Variants in MAGED1 observed in about 807,000 individuals in gnomAD.
MAGED1 encodes melanoma-associated antigen D1.
A neutral mutation model predicts 54.1 loss-of-function variants in MAGED1; 3 were observed. The observed-to-expected ratio is 0.06, with a 90% CI of 0.03 to 0.14. The LOEUF (loss-of-function observed/expected upper bound fraction) is 0.14, where lower values mean the gene tolerates loss of function less well. MAGED1 is among the 10% of genes least tolerant of loss of function. The pLI is 1.00. For synonymous variants in MAGED1, 217 were observed against 227.3 expected (o/e 0.95, Z 0.41); for missense variants, 485 against 623.4 (o/e 0.78, Z 2.36).
intron 1 of MAGED1, among the ~76,000 whole-genome samples, chrX:51,858,697 G>T (rs1401792337): frequency 1.8e-5 from 2 of 111,201 alleles, no homozygotes; most frequent in Non-Finnish European, 3.8e-5. Context: ...GGAGAGGACA[G>T]ATGTGGTGAG....
In MAGED1 at chrX:51,834,397, A is replaced by G. The variant is rs1362684575; in HGVS notation, c.-37+31280A>G. Among the ~76,000 whole-genome samples, 6 of 111,591 alleles carry G rather than the reference A, an allele frequency of 5.4e-5. No homozygotes were observed. The Admixed American group carries it at 5.7e-4, about 11-fold the overall frequency. On this transcript the variant is annotated intron_variant, in intron 1 of 12. Transcript: ENST00000375772. ...CCATTTTTGGATGTGTCTGAGAGCC[A>G]CCCCTGCTCTCTGCAGAAAGCCTCA...
intron 1 of MAGED1, among the ~76,000 whole-genome samples, chrX:51,834,671 T>C (rs1205815978): frequency 2.7e-5 from 3 of 111,829 alleles, no homozygotes; most frequent in African/African-American, 9.7e-5. Context: ...ATATTCTGGA[T>C]ATGGATTCCT....
At chrX:51,877,275 AC>A (rs1927903453) in intron 1 of MAGED1, among the ~76,000 whole-genome samples, 1 of 111,341 alleles carries the variant, frequency 9.0e-6, no homozygotes, top group African/African-American at 3.3e-5. Flanking sequence ...TGATTAAGAA[AC>A]GCTGAGAGTA....
At chrX:51,874,440 C>G (rs1467710549) in intron 1 of MAGED1, among the ~76,000 whole-genome samples, 1 of 111,080 alleles carries the variant, frequency 9.0e-6, no homozygotes, top group Non-Finnish European at 1.9e-5. Flanking sequence ...AAAAGTGTTT[C>G]CAGAAGAGGA....
chrX:51,837,976 T>C (rs1376083265), intron 1 of MAGED1, among the ~76,000 whole-genome samples: 1 of 112,707 alleles, frequency 8.9e-6, no homozygotes, highest in East Asian at 2.8e-4. Context: ...GTAACCACTA[T>C]CAACAAAAGT....
intron 1 of MAGED1, among the ~76,000 whole-genome samples, chrX:51,838,379 A>C (rs2146968736): frequency 8.9e-6 from 1 of 112,786 alleles, no homozygotes; most frequent in African/African-American, 3.2e-5. Flanking sequence ...ATTTAAAGAA[A>C]TGTAGATGCT....
intron 1 of MAGED1, among the ~76,000 whole-genome samples, chrX:51,881,333 C>A (rs1336193966): frequency 1.8e-5 from 2 of 111,399 alleles, no homozygotes; most frequent in African/African-American, 6.5e-5. Flanking sequence ...GTCCATACCA[C>A]CCCTCTATCT....
At chrX:51,894,153 C>G (rs1163996471) in intron 1 of MAGED1, 116 bp from the exon 2 acceptor site, 3 of 457,005 alleles carry the variant, frequency 6.6e-6, no homozygotes, top group Non-Finnish European at 1.2e-5. Flanking sequence ...CGCTCCGATC[C>G]GTTCCTCCTC....
At chrX:51,851,392 C>T (rs1273428228) in intron 1 of MAGED1, among the ~76,000 whole-genome samples, 1 of 111,125 alleles carries the variant, frequency 9.0e-6, no homozygotes, top group Non-Finnish European at 1.9e-5. Context: ...TACAAGTAGT[C>T]CCCGCTTATC....
upstream of MAGED1, among the ~76,000 whole-genome samples, chrX:51,893,336 C>T (rs1421977899): frequency 4.2e-5 from 2 of 48,027 alleles, no homozygotes; most frequent in South Asian, 1.0e-3. Flanking sequence ...GGTAGGGGGC[C>T]GGTGTGTGGG....
intron 1 of MAGED1, among the ~76,000 whole-genome samples, chrX:51,812,368 G>A (rs1242795980): frequency 1.8e-5 from 2 of 110,557 alleles, no homozygotes; most frequent in Non-Finnish European, 3.8e-5. Context: ...GTCTAGTAAA[G>A]CTAAGGAAAA....
chrX:51,826,687 C>A (rs1266059959), intron 1 of MAGED1, among the ~76,000 whole-genome samples: 2 of 112,363 alleles, frequency 1.8e-5, no homozygotes, highest in Non-Finnish European at 3.8e-5. Context: ...GATACCACTA[C>A]ACATTTATTA....
At chrX:51,876,215 T>G (rs1343315281) in intron 1 of MAGED1, among the ~76,000 whole-genome samples, 3 of 111,061 alleles carry the variant, frequency 2.7e-5, no homozygotes, top group South Asian at 7.6e-4. Flanking sequence ...AATGTAGTGA[T>G]CATGGATGGT....
chrX:51,891,565 A>C (rs1226746572), upstream of MAGED1, among the ~76,000 whole-genome samples: 1 of 112,650 alleles, frequency 8.9e-6, no homozygotes, highest in African/African-American at 3.2e-5. Flanking sequence ...ATATTTATTG[A>C]GGATATAAAA....
In MAGED1 at chrX:51,898,280, T is replaced by C. The variant is rs1557364564; in HGVS notation, c.1739-5T>C. 1 of 1,210,671 alleles carries C rather than the reference T, an allele frequency of 8.3e-7. No individual in the cohort carries two copies. The highest frequency in any genetic ancestry group is 2.2e-5 in the Admixed American group (1 of 45,993). The stretch of plus-strand genomic sequence containing the variant: ...TCCCTTGTCTCCCCTTGCCTCCCAT[T>C]GCAGCTGTCCTCTGGGAGGCACTAC... On this transcript the variant is annotated splice_polypyrimidine_tract_variant and splice_region_variant and intron_variant, in intron 8 of 12. Transcript: ENST00000326587.
chrX:51,840,924 A>T lies in MAGED1; in HGVS notation c.-37+37807A>T, dbSNP rs1292562063. Among the ~76,000 whole-genome samples, 9 of 110,918 alleles carry T rather than the reference A, an allele frequency of 8.1e-5. No homozygotes were observed. The South Asian group carries it at 3.5e-3, about 44-fold the overall frequency. ...GTGCATGTGTCTTTATAGCAGCATG[A>T]TTTATAGTCCTTTGAGTATATACCC... On this transcript the variant is annotated intron_variant, in intron 1 of 12. Transcript: ENST00000375772.
chrX:51,888,383 A>G (rs1204901157), intron 1 of MAGED1, among the ~76,000 whole-genome samples: 1 of 112,103 alleles, frequency 8.9e-6, no homozygotes, highest in Non-Finnish European at 1.9e-5. Context: ...AAAGATGTTC[A>G]ACATCATTAG....
chrX:51,809,474 C>G lies in MAGED1; in HGVS notation c.-37+6357C>G, dbSNP rs183884356. Among the ~76,000 whole-genome samples, 39 of 111,749 alleles carry G rather than the reference C, an allele frequency of 3.5e-4. No individual in the cohort carries two copies. In the Admixed American group the frequency reaches 3.5e-3, roughly 10 times the overall value. ...AATTCAAGAAACTACGTCATTAGTT[C>G]TATAGACTGTCTCATCTGGATTTAG... On this transcript the variant is annotated intron_variant, in intron 1 of 12. Coordinates refer to the MAGED1 transcript ENST00000375772.
chrX:51,821,805 G>A (rs1409676862), intron 1 of MAGED1, among the ~76,000 whole-genome samples: 1 of 111,510 alleles, frequency 9.0e-6, no homozygotes, highest in East Asian at 2.8e-4. Flanking sequence ...AAAAGTTATC[G>A]GGCTTAATCA....
Sources: allele counts gnomAD v4.1 joint callset (sites outside exome capture counted in the v4.1 genomes callset), GRCh38; gene constraint gnomAD v4.1.1; transcripts MANE v1.5; gene names NCBI Gene and HGNC (gene_info 2026-07-23, HGNC 2026-07-21).